The following NIBAN2 variants were observed in gnomAD, a reference collection of about 807,000 sequenced individuals.
NIBAN2 encodes protein Niban 2.
Under a neutral mutation model 81.8 loss-of-function variants are expected in NIBAN2, and 36 were observed. The ratio of observed to expected loss-of-function variants is 0.44; its 90% CI spans 0.34 to 0.58. The LOEUF is 0.58. NIBAN2 is among the 20% of genes least tolerant of loss of function. The pLI is 0.02. For missense variants in NIBAN2, 897 were observed against 1,014.1 expected, an observed-to-expected ratio of 0.88 and a Z score of 1.57; for synonymous variants, 445 against 441.6, an observed-to-expected ratio of 1.01 and a Z score of -0.10.
intron 1 of NIBAN2, among the ~76,000 whole-genome samples, chr9:127,534,282 A>G (rs995546231): frequency 3.3e-5 from 5 of 152,218 alleles, no homozygotes; most frequent in African/African-American, 1.2e-4. Flanking sequence ...TGCCCCTCCC[A>G]TGGCCAGTCT....
At chr9:127,510,730 C>T (rs902889834) in intron 8 of NIBAN2, among the ~76,000 whole-genome samples, 5 of 152,050 alleles carry the variant, frequency 3.3e-5, no homozygotes, top group African/African-American at 7.2e-5. Flanking sequence ...CCACCATGCC[C>T]GGCCTATTAT....
At chr9:127,548,844 T>C (rs925629113) in intron 1 of NIBAN2, among the ~76,000 whole-genome samples, 1 of 152,130 alleles carries the variant, frequency 6.6e-6, no homozygotes, top group Non-Finnish European at 1.5e-5. Flanking sequence ...AGTCCAGCCG[T>C]AGCCACGCCC....
At chr9:127,530,173 G>A (rs1263880237) in intron 2 of NIBAN2, among the ~76,000 whole-genome samples, 1 of 152,206 alleles carries the variant, frequency 6.6e-6, no homozygotes. Flanking sequence ...CACCCAGGCC[G>A]GGCCACAGCA....
At chr9:127,569,196 G>T, upstream of NIBAN2, 2 of 402,866 alleles carry the variant, frequency 5.0e-6, no homozygotes, top group Non-Finnish European at 5.7e-6. Context: ...GTCCCACCCC[G>T]CCCCGCCCCG....
At chr9:127,543,243 C>G (rs1468351382) in intron 1 of NIBAN2, among the ~76,000 whole-genome samples, 2 of 152,176 alleles carry the variant, frequency 1.3e-5, no homozygotes, top group Non-Finnish European at 2.9e-5. Context: ...GGGAGCCCTC[C>G]TACCCCGAAG....
chr9:127,525,522 TA>T (rs542288685), intron 3 of NIBAN2, among the ~76,000 whole-genome samples: 170 of 152,154 alleles, frequency 1.1e-3, no homozygotes, highest in African/African-American at 4.0e-3. Flanking sequence ...AAAACCAGGG[TA>T]ATAACCATTC....
At chr9:127,528,842 T>C (rs577247616) in intron 2 of NIBAN2, among the ~76,000 whole-genome samples, 1 of 152,218 alleles carries the variant, frequency 6.6e-6, no homozygotes, top group South Asian at 2.1e-4. Context: ...GGCCCCTAGT[T>C]TTCATCTTCA....
At chr9:127,511,610 G>A (rs1442668452) in intron 8 of NIBAN2, among the ~76,000 whole-genome samples, 1 of 152,170 alleles carries the variant, frequency 6.6e-6, no homozygotes, top group Non-Finnish European at 1.5e-5. Context: ...AAGGTGTTCT[G>A]AGATTGGACT....
intron 5 of NIBAN2, among the ~76,000 whole-genome samples, chr9:127,521,439 G>A (rs542302893): frequency 1.4e-4 from 22 of 152,232 alleles, no homozygotes; most frequent in Admixed American, 2.0e-4. Flanking sequence ...CTGAGGACCC[G>A]GCACAGCCAG....
intron 1 of NIBAN2, among the ~76,000 whole-genome samples, chr9:127,564,864 CAAA>C (rs80188088): frequency 2.5e-5 from 3 of 118,560 alleles, no homozygotes; most frequent in Admixed American, 9.0e-5. Context: ...GACGCCATCT[CAAA>C]AAAAAAAAAA....
At chr9:127,571,512 A>G (rs546106784), upstream of NIBAN2, among the ~76,000 whole-genome samples, 4 of 152,142 alleles carry the variant, frequency 2.6e-5, no homozygotes, top group Non-Finnish European at 4.4e-5. Context: ...TCTGGCCAAC[A>G]TGGTGAAACC....
At chr9:127,537,774 T>C (rs1837305861) in intron 1 of NIBAN2, among the ~76,000 whole-genome samples, 1 of 152,210 alleles carries the variant, frequency 6.6e-6, no homozygotes, top group Non-Finnish European at 1.5e-5. Context: ...TACAGCTGTA[T>C]GAACCGAGGC....
At chr9:127,574,357 C>T (rs1837983660) in intron 1 of NIBAN2, among the ~76,000 whole-genome samples, 2 of 152,146 alleles carry the variant, frequency 1.3e-5, no homozygotes, top group Admixed American at 6.5e-5. Context: ...GCAAACCTGC[C>T]CCGCCCCTCC....
intron 2 of NIBAN2, among the ~76,000 whole-genome samples, chr9:127,530,137 T>C (rs926405007): frequency 5.9e-5 from 9 of 152,164 alleles, no homozygotes; most frequent in Admixed American, 3.9e-4. Context: ...TTTCCTTTCC[T>C]ACCACACAGA....
intron 2 of NIBAN2, among the ~76,000 whole-genome samples, chr9:127,528,022 C>G (rs1404219052): frequency 6.6e-6 from 1 of 152,236 alleles, no homozygotes; most frequent in Non-Finnish European, 1.5e-5. Flanking sequence ...CTAGCTCTGC[C>G]TGACTCACAG....
At chr9:127,571,440 G>A (rs1837944779), upstream of NIBAN2, among the ~76,000 whole-genome samples, 1 of 152,206 alleles carries the variant, frequency 6.6e-6, no homozygotes, top group Non-Finnish European at 1.5e-5. Context: ...GCTCACGCCT[G>A]TAATCTCAGC....
intron 8 of NIBAN2, among the ~76,000 whole-genome samples, chr9:127,515,316 C>A (rs1056892896): frequency 1.3e-5 from 2 of 151,596 alleles, no homozygotes; most frequent in Admixed American, 6.6e-5. Context: ...GTCAGGAGAT[C>A]GAGACCATCC....
Position 127,568,919 on chromosome 9 carries a change from TG to T in NIBAN2, c.-46del. ...CCGATCCGGCCGACGCCGCCGCTGTTGCCCGCGCTGCTCAGGCGGACGCCGC... is the reference window on the plus strand; with the variant it reads ...CCGATCCGGCCGACGCCGCCGCTGTTCCCGCGCTGCTCAGGCGGACGCCGC... On this transcript the variant is annotated 5_prime_UTR_variant, in exon 1 of 14. Transcript: ENST00000373312. 8.1e-7 allele frequency: 1 copy of T among 1,236,400 alleles called. No individual in the cohort carries two copies. The highest frequency in any genetic ancestry group is 1.0e-6 in the Non-Finnish European group (1 of 990,588). 76.6% of individuals were successfully genotyped at this position (1,236,400 alleles called of 1,614,324 possible).
In NIBAN2 at chr9:127,545,525, C is replaced by T. The variant is rs534181238; in HGVS notation, c.56-13747G>A. On this transcript the variant is annotated intron_variant, in intron 1 of 13. Coordinates refer to ENST00000373312, the MANE Select transcript of NIBAN2 (RefSeq NM_022833.4). This position sits in a 1 kb window ranked among gnomAD's most constrained non-coding sequence, Gnocchi z 4.7. Reference sequence around the variant, plus strand: ...TGGGCAGGGACTCAGTCTGAGGGCACAGGCCGTCTGGGTCTCATCACAGAG... The same window carrying T: ...TGGGCAGGGACTCAGTCTGAGGGCATAGGCCGTCTGGGTCTCATCACAGAG... Among the ~76,000 whole-genome samples the T allele has an allele frequency of 2.0e-5, 3 of 152,334 alleles. No individual in the cohort carries two copies. The East Asian group carries it at 5.8e-4, about 29-fold the overall frequency.
Sources: gnomAD v4.1 joint callset for allele counts (sites outside exome capture counted in the v4.1 genomes callset) on GRCh38, gnomAD v4.1.1 for gene constraint, Gnocchi (gnomAD v3.1) non-coding constraint, MANE v1.5 for transcripts, NCBI Gene and HGNC (gene_info 2026-07-23, HGNC 2026-07-21) for gene names.